Variants in ARHGEF6 observed in about 807,000 individuals in gnomAD.
ARHGEF6 encodes the protein rho guanine nucleotide exchange factor 6.
Under a neutral mutation model 70.3 loss-of-function variants are expected in ARHGEF6, and 9 were observed. The ratio of observed to expected loss-of-function variants is 0.13; its 90% CI spans 0.08 to 0.22. ARHGEF6 has a LOEUF of 0.22. ARHGEF6 is among the 10% of genes least tolerant of loss of function. The pLI is 1.00. For synonymous variants in ARHGEF6, 201 were observed against 207.8 expected (o/e 0.97, Z 0.28); for missense variants, 470 against 563.0 (o/e 0.83, Z 1.67).
intron 6 of ARHGEF6, among the ~76,000 whole-genome samples, chrX:136,718,249 C>T (rs1332151378): frequency 1.8e-5 from 2 of 110,732 alleles, no homozygotes; most frequent in Non-Finnish European, 3.8e-5. Flanking sequence ...CATTAGAGCA[C>T]GAAAAATTAT....
chrX:136,676,501 T>C (rs1041617703), intron 18 of ARHGEF6, 123 bp downstream of exon 18: 2 of 524,294 alleles, frequency 3.8e-6, no homozygotes, highest in African/African-American at 4.7e-5. Context: ...CTTCTTTATA[T>C]GTAAAAGACG....
Position 136,779,460 on chromosome X carries a change from T to C in ARHGEF6, c.203A>G (p.Asn68Ser), listed in dbSNP as rs1388197781. Residue 68 changes from asparagine (N) to serine (S), a missense_variant, in exon 2 of 22, where the codon AAC (asparagine) becomes AGC (serine). Asn to Ser is a conservative substitution (Grantham distance 46). Transcript: ENST00000250617. The stretch of plus-strand genomic sequence containing the variant: ...TCCTTTCAGGAAGTCATTGATGTTG[T>C]TGATGCAGTCAGCTTCAGTTTGGGG... ...LDPQTEADCI[N>S]NINDFLKGCA... The C allele has an allele frequency of 1.7e-6, 2 of 1,211,677 alleles. No individual in the cohort carries two copies. Among genetic ancestry groups the C allele is most frequent in the East Asian group, 3.0e-5 (1 of 33,847 alleles).
chrX:136,744,687 G>A lies in ARHGEF6; in HGVS notation c.459+536C>T, dbSNP rs774490738. ...GTTTCACCCAAAGAGCAGAAGATGA[G>A]GCATTTCCTCCCAAATAAAAGCTCC... is the stretch of plus-strand genomic sequence containing the variant. On this transcript the variant is annotated intron_variant, in intron 4 of 21. Coordinates refer to ENST00000250617, the MANE Select transcript of ARHGEF6 (RefSeq NM_004840.3). 5.4e-5 allele frequency among the ~76,000 whole-genome samples: 6 copies of A among 111,646 alleles called. No homozygotes were observed. In the South Asian group the frequency reaches 1.9e-3, roughly 35 times the overall value.
intron 18 of ARHGEF6, among the ~76,000 whole-genome samples, chrX:136,675,490 C>T (rs1202218161): frequency 2.7e-5 from 3 of 110,411 alleles, no homozygotes; most frequent in Non-Finnish European, 5.7e-5. Flanking sequence ...AGCTTTCCCT[C>T]ATTAACCCCA....
chrX:136,726,683 C>G (rs1398814168), intron 6 of ARHGEF6, among the ~76,000 whole-genome samples: 1 of 112,398 alleles, frequency 8.9e-6, no homozygotes, highest in African/African-American at 3.2e-5. Context: ...ATAAAACATG[C>G]CCTTTAGGCA....
intron 5 of ARHGEF6, among the ~76,000 whole-genome samples, chrX:136,733,130 T>A (rs190562567): frequency 0.012 from 1,300 of 106,000 alleles, 16 homozygotes; most frequent in East Asian, 0.027. Flanking sequence ...TCTTTTTTTT[T>A]AAAAAAAAAA....
intron 2 of ARHGEF6, among the ~76,000 whole-genome samples, chrX:136,775,780 T>C (rs2077399987): frequency 1.8e-5 from 2 of 111,075 alleles, no homozygotes. Context: ...GATGATATGA[T>C]TGTATACCTA....
At chrX:136,770,025 G>A (rs953385545) in intron 2 of ARHGEF6, among the ~76,000 whole-genome samples, 1 of 112,277 alleles carries the variant, frequency 8.9e-6, no homozygotes, top group Admixed American at 9.4e-5. Context: ...ATAATATCCA[G>A]TGTTGCCAGG....
intron 18 of ARHGEF6, among the ~76,000 whole-genome samples, chrX:136,675,795 C>T (rs1305259664): frequency 9.0e-6 from 1 of 111,229 alleles, no homozygotes; most frequent in East Asian, 2.8e-4. Flanking sequence ...GCTGGGATTA[C>T]AGGCATGAGC....
intron 5 of ARHGEF6, among the ~76,000 whole-genome samples, chrX:136,742,514 AAAAGT>A (rs1264533207): frequency 8.9e-6 from 1 of 112,131 alleles, no homozygotes; most frequent in Non-Finnish European, 1.9e-5. Flanking sequence ...AATATTTTTG[AAAAGT>A]AAAGAGATGT....
At chrX:136,727,329 CTT>C (rs1569410776) in intron 6 of ARHGEF6, among the ~76,000 whole-genome samples, 644 of 29,226 alleles carry the variant, frequency 0.022, 9 homozygotes, top group Non-Finnish European at 0.033. Flanking sequence ...CTTTCTTTTT[CTT>C]TCTTTCTTTC....
intron 20 of ARHGEF6, 130 bp from the exon 21 acceptor site, chrX:136,669,666 T>A (rs2076202350): frequency 1.8e-6 from 1 of 542,024 alleles, no homozygotes. Flanking sequence ...TGATTGGGAA[T>A]GGTACTGCTC....
chrX:136,676,167 C>T (rs764212655), intron 18 of ARHGEF6, among the ~76,000 whole-genome samples: 1 of 112,389 alleles, frequency 8.9e-6, no homozygotes, highest in South Asian at 3.7e-4. Flanking sequence ...TGCAGTCTGT[C>T]TCCAAATGAA....
chrX:136,714,747 G>A (rs756767373), intron 6 of ARHGEF6, among the ~76,000 whole-genome samples: 1 of 111,525 alleles, frequency 9.0e-6, no homozygotes, highest in South Asian at 3.8e-4. Context: ...AGTGCAGGGT[G>A]GTAGTCCTGA....
At chrX:136,744,540 T>G (rs2077076424) in intron 4 of ARHGEF6, among the ~76,000 whole-genome samples, 1 of 111,725 alleles carries the variant, frequency 9.0e-6, no homozygotes, top group Admixed American at 9.5e-5. Flanking sequence ...AGACATAGTG[T>G]TCATCAGCCT....
chrX:136,726,494 G>T (rs1232988714), intron 6 of ARHGEF6, among the ~76,000 whole-genome samples: 2 of 111,948 alleles, frequency 1.8e-5, no homozygotes, highest in African/African-American at 6.5e-5. Context: ...AGGTGGGTGA[G>T]CACTAGAAAG....
intron 10 of ARHGEF6, 123 bp downstream of exon 10, chrX:136,690,487 G>C (rs1265688268): frequency 5.1e-6 from 4 of 790,386 alleles, no homozygotes; most frequent in Non-Finnish European, 7.4e-6. Flanking sequence ...AACAGATAAA[G>C]TAAATTTTGA....
At chrX:136,719,805 C>T (rs1425859674) in intron 6 of ARHGEF6, among the ~76,000 whole-genome samples, 2 of 110,958 alleles carry the variant, frequency 1.8e-5, no homozygotes, top group Non-Finnish European at 3.8e-5. Flanking sequence ...AATGAAATGG[C>T]AGGATATCAC....
At chrX:136,691,497 C>T (rs1422801568) in intron 9 of ARHGEF6, among the ~76,000 whole-genome samples, 1 of 112,252 alleles carries the variant, frequency 8.9e-6, no homozygotes, top group East Asian at 2.8e-4. Context: ...GATATTGAGT[C>T]CTGGGGCTGC....
Sources: allele counts gnomAD v4.1 joint callset (sites outside exome capture counted in the v4.1 genomes callset), GRCh38; gene constraint gnomAD v4.1.1; transcripts MANE v1.5; gene names NCBI Gene and HGNC (gene_info 2026-07-23, HGNC 2026-07-21).